Variants in BCKDHB observed in about 807,000 individuals in gnomAD.
The protein encoded by BCKDHB is 2-oxoisovalerate dehydrogenase subunit beta, mitochondrial.
BCKDHB carries 41 observed loss-of-function variants against 48.5 expected under a neutral mutation model. The observed-to-expected ratio is 0.85, with a 90% CI of 0.66 to 1.10. The LOEUF (loss-of-function observed/expected upper bound fraction) is 1.10, where lower values mean the gene tolerates loss of function less well. BCKDHB is among the 50% of genes least tolerant of loss of function. BCKDHB has a pLI of 0.00. For synonymous variants in BCKDHB, 201 were observed against 174.8 expected (o/e 1.15, Z -1.18); for missense variants, 496 against 494.2 (o/e 1.00, Z -0.03).
upstream of BCKDHB, chr6:80,106,621 C>T: frequency 2.0e-6 from 3 of 1,502,820 alleles, no homozygotes; most frequent in Non-Finnish European, 1.8e-6. Flanking sequence ...ATGTGGAAGC[C>T]TCCTCGGGTG....
At chr6:80,153,605 C>T (rs1221061418) in intron 3 of BCKDHB, among the ~76,000 whole-genome samples, 2 of 152,130 alleles carry the variant, frequency 1.3e-5, no homozygotes, top group African/African-American at 4.8e-5. Context: ...CTATTAAGTC[C>T]TGTTGGTTCT....
chr6:80,321,041 T>C (rs554508934), intron 9 of BCKDHB, among the ~76,000 whole-genome samples: 1 of 152,274 alleles, frequency 6.6e-6, no homozygotes, highest in Admixed American at 6.5e-5. Context: ...GGATAGATTC[T>C]ATCCTAACCT....
chr6:80,434,018 T>C, the BCKDHB span, among the ~76,000 whole-genome samples: 1 of 152,230 alleles, frequency 6.6e-6, no homozygotes, highest in Non-Finnish European at 1.5e-5. Flanking sequence ...TCACTGATAC[T>C]CTGCTCTTTA....
At chr6:80,301,265 AC>A (rs1473789934) in intron 9 of BCKDHB, among the ~76,000 whole-genome samples, 1 of 152,206 alleles carries the variant, frequency 6.6e-6, no homozygotes, top group African/African-American at 2.4e-5. Flanking sequence ...CTTCAAAAAA[AC>A]AATAAGATTG....
At chr6:80,220,317 T>TG (rs1775365880) in intron 8 of BCKDHB, among the ~76,000 whole-genome samples, 2 of 148,980 alleles carry the variant, frequency 1.3e-5, no homozygotes, top group African/African-American at 4.9e-5. Flanking sequence ...TTTTTTTTTT[T>TG]TTTGTCATGT....
chr6:80,162,356 C>T (rs2127767249), intron 3 of BCKDHB, among the ~76,000 whole-genome samples: 1 of 152,266 alleles, frequency 6.6e-6, no homozygotes, highest in South Asian at 2.1e-4. Context: ...GCCTTCTTTC[C>T]TCCTGCACTC....
chr6:80,275,995 C>G (rs191727861), intron 9 of BCKDHB, among the ~76,000 whole-genome samples: 260 of 151,902 alleles, frequency 1.7e-3, no homozygotes, highest in African/African-American at 6.0e-3. Context: ...TATTGAAAGC[C>G]AACTTTCTGG....
At chr6:80,441,040 A>T in the BCKDHB span, 2 of 152,116 alleles carry the variant, frequency 1.3e-5, no homozygotes, top group Non-Finnish European at 2.9e-5. Context: ...CAAAAGGTCT[A>T]TTTCTTTTGA....
the BCKDHB span, among the ~76,000 whole-genome samples, chr6:80,389,544 A>G: frequency 6.6e-6 from 1 of 152,192 alleles, no homozygotes. Context: ...ACTACCATCT[A>G]TGGACTCATG....
intron 9 of BCKDHB, chr6:80,307,672 A>G (rs1308912174): frequency 2.1e-6 from 2 of 972,686 alleles, no homozygotes; most frequent in Non-Finnish European, 2.4e-6. Context: ...ATTTGTATTC[A>G]CATTAGGCCT....
rs763434607 is a variant in BCKDHB at position 80,106,785 on chromosome 6, T to C, written c.92T>C (p.Leu31Pro). 31 of 1,596,742 alleles carry C rather than the reference T, an allele frequency of 1.9e-5. No homozygotes were observed. Among genetic ancestry groups the C allele is most frequent in the Non-Finnish European group, 2.5e-5 (29 of 1,172,850 alleles). ...TGGCGTCGGCTTCCTGGCGCGGGGCTGGCGCGGGGCTTTTTGCACCCCGCC... is the reference window on the plus strand; with the variant it reads ...TGGCGTCGGCTTCCTGGCGCGGGGCCGGCGCGGGGCTTTTTGCACCCCGCC... Reference protein sequence around the residue: ...GHWRRLPGAGLARGFLHPAAT... With the variant: ...GHWRRLPGAGPARGFLHPAAT... Residue 31 changes from leucine to proline, a missense_variant, in exon 1 of 10, where the codon CTG becomes CCG. Transcript: ENST00000320393.
rs1189468674 is a variant in BCKDHB, at chr6:80,106,943, G to A, written c.196+54G>A. 11 of 1,557,362 alleles carry A rather than the reference G, an allele frequency of 7.1e-6. No homozygotes were observed. The South Asian group carries it at 1.1e-4, about 15-fold the overall frequency. On this transcript the variant is annotated intron_variant, in intron 1 of 9. Transcript: ENST00000320393. ...CGCTGCAGCCCGGACTCCCAGGCTCGCAGGCGCCCGCGAGGGGCAGGGGCC... is the reference window on the plus strand; with the variant it reads ...CGCTGCAGCCCGGACTCCCAGGCTCACAGGCGCCCGCGAGGGGCAGGGGCC...
intron 8 of BCKDHB, among the ~76,000 whole-genome samples, chr6:80,261,126 A>G (rs1777282805): frequency 1.3e-5 from 2 of 152,188 alleles, no homozygotes; most frequent in South Asian, 2.1e-4. Context: ...GACTCTTGCT[A>G]AATGAAAGCT....
chr6:80,380,128 A>T, the BCKDHB span, among the ~76,000 whole-genome samples: 5 of 152,092 alleles, frequency 3.3e-5, no homozygotes, highest in Non-Finnish European at 5.9e-5. Flanking sequence ...CAAATAGCCA[A>T]AGCACTCCTA....
chr6:80,401,335 A>T, the BCKDHB span, among the ~76,000 whole-genome samples: 1 of 151,866 alleles, frequency 6.6e-6, no homozygotes, highest in Admixed American at 6.6e-5. Context: ...TTTCACCACC[A>T]TCAAAGCCAG....
the BCKDHB span, among the ~76,000 whole-genome samples, chr6:80,443,880 T>C: frequency 3.5e-4 from 54 of 152,224 alleles, no homozygotes; most frequent in Admixed American, 1.4e-3. Context: ...AGATCCCATA[T>C]GTTCAGATAT....
At chr6:80,394,232 C>A in the BCKDHB span, among the ~76,000 whole-genome samples, 20 of 152,218 alleles carry the variant, frequency 1.3e-4, no homozygotes, top group Admixed American at 3.9e-4. Context: ...GTTTTCTCTA[C>A]TGTTTCAATC....
At chr6:80,410,609 A>G in the BCKDHB span, among the ~76,000 whole-genome samples, 2 of 152,180 alleles carry the variant, frequency 1.3e-5, no homozygotes, top group Non-Finnish European at 2.9e-5. Flanking sequence ...GTCTTTTCAC[A>G]TAGTCCCATA....
chr6:80,268,917 A>T (rs1330434060), intron 8 of BCKDHB, among the ~76,000 whole-genome samples: 2 of 152,156 alleles, frequency 1.3e-5, no homozygotes, highest in Non-Finnish European at 2.9e-5. Context: ...AATTTGGAAC[A>T]TGCTACTTCA....
Sources: allele counts gnomAD v4.1 joint callset (sites outside exome capture counted in the v4.1 genomes callset), GRCh38; gene constraint gnomAD v4.1.1; transcripts MANE v1.5; gene names NCBI Gene and HGNC (gene_info 2026-07-23, HGNC 2026-07-21).